The following PVALEF variants were observed in gnomAD, a reference collection of about 807,000 sequenced individuals.
PVALEF encodes parvalbumin-like EF-hand-containing protein.
Under a neutral mutation model 1.2 loss-of-function variants are expected in PVALEF, and 2 were observed. That is an observed-to-expected ratio of 1.68 (90% confidence interval 0.69 to 5.28). The LOEUF (loss-of-function observed/expected upper bound fraction) is 5.28. Ranked by LOEUF, PVALEF falls within the 30% of genes most tolerant of loss-of-function variation. The probability of loss-of-function intolerance (pLI) is 0.06; values close to 1 mark genes in which losing one functional copy is unlikely to be tolerated. For missense variants in PVALEF, 35 were observed against 17.7 expected (o/e 1.97, Z -1.75); for synonymous variants, 16 against 6.5 (o/e 2.47, Z -2.24).
Position 81,181,126 on chromosome 17 carries a change from G to C in PVALEF, c.-101G>C, listed in dbSNP as rs1312531643. On this transcript the variant is annotated 5_prime_UTR_variant, in exon 4 of 7. Transcript: ENST00000637878. ...TGTCACCATTCCCACTTTACAGCAG[G>C]ATCCAGCACCACGCGGCGTCTACGT... 6 of 665,466 alleles carry C rather than the reference G, an allele frequency of 9.0e-6. No individual in the cohort carries two copies. The East Asian group carries it at 1.7e-4, about 19-fold the overall frequency. The allele number at this position is 665,466 out of a possible 1,614,324, so 41.2% of individuals were successfully genotyped here.
rs558333378 is a variant in PVALEF at position 81,181,715 on chromosome 17, A to C, written c.242+21A>C. 36 of 399,976 alleles carry C rather than the reference A, an allele frequency of 9.0e-5. 1 individual carries two copies. The Admixed American group carries it at 1.3e-3, about 15-fold the overall frequency. 24.8% of individuals were successfully genotyped at this position (399,976 alleles called of 1,614,324 possible). ...ATCAAGTAATGGCTGGCGGCCACGG[A>C]GGGGTGGGGCCCAGGCCACCCAGAC... On this transcript the variant is annotated intron_variant, in intron 5 of 6. Coordinates refer to ENST00000637878, the MANE Select transcript of PVALEF (RefSeq NM_001354639.2).
At chr17:81,170,039 G>T (rs1206080208) in intron 2 of PVALEF, among the ~76,000 whole-genome samples, 2 of 145,006 alleles carry the variant, frequency 1.4e-5, no homozygotes, top group Non-Finnish European at 3.1e-5. Flanking sequence ...TAGGTGTGTT[G>T]GCATGTGTGT....
intron 2 of PVALEF, among the ~76,000 whole-genome samples, chr17:81,176,847 T>C (rs898596706): frequency 4.0e-5 from 6 of 151,358 alleles, no homozygotes; most frequent in African/African-American, 1.2e-4. Flanking sequence ...TGCCAAAAGG[T>C]GGACGAAAAA....
chr17:81,172,184 G>A (rs568914654), intron 2 of PVALEF, among the ~76,000 whole-genome samples: 17 of 152,288 alleles, frequency 1.1e-4, no homozygotes, highest in East Asian at 1.9e-4. Flanking sequence ...GTGTTTATCC[G>A]GCCACACCCT....
At chr17:81,171,739 A>C (rs1451403574) in intron 2 of PVALEF, among the ~76,000 whole-genome samples, 2 of 151,958 alleles carry the variant, frequency 1.3e-5, no homozygotes, top group Non-Finnish European at 1.5e-5. Context: ...TGATCCGCCC[A>C]CCTCAGCCTC....
intron 1 of PVALEF, among the ~76,000 whole-genome samples, 187 bp from the exon 2 acceptor site, chr17:81,166,490 G>A (rs1300650479): frequency 9.3e-5 from 9 of 96,620 alleles, no homozygotes; most frequent in African/African-American, 3.5e-4. Flanking sequence ...GCTGAGGGGG[G>A]CACGGAGGCT....
At chr17:81,168,668 CGAG>C (rs1567834845) in intron 2 of PVALEF, among the ~76,000 whole-genome samples, 1 of 152,084 alleles carries the variant, frequency 6.6e-6, no homozygotes, top group East Asian at 1.9e-4. Context: ...AGGAGCTGAC[CGAG>C]GAGCCCAGAT....
At position 81,166,837 on chromosome 17, in the gene PVALEF, T is replaced by C; in HGVS notation, c.-347T>C. The C allele has an allele frequency of 2.3e-6, 1 of 431,466 alleles. No homozygotes were observed. The highest frequency in any genetic ancestry group is 4.7e-6 in the Non-Finnish European group (1 of 211,240). The allele number at this position is 431,466 out of a possible 1,614,324, so 26.7% of individuals were successfully genotyped here. On this transcript the variant is annotated 5_prime_UTR_variant, in exon 2 of 7. Transcript: ENST00000637878. The stretch of plus-strand genomic sequence containing the variant: ...GGCTGAGTCTCCACCTGCCGTGGAC[T>C]GTACCAGGTGCTTAGGGCAGCAGGT...
rs936959613 is a variant in PVALEF, at chr17:81,169,975, C to G, written c.-340+3131C>G. ...ACGTGTGTCGGTGTTGGTATGTGTA[C>G]ATGTGTGTGCATGTGTGTGTGTTGG... is the stretch of plus-strand genomic sequence containing the variant. On this transcript the variant is annotated intron_variant, in intron 2 of 6. Coordinates refer to ENST00000637878, the MANE Select transcript of PVALEF (RefSeq NM_001354639.2). Among the ~76,000 whole-genome samples the G allele has an allele frequency of 4.5e-5, 6 of 131,894 alleles. No homozygotes were observed. The South Asian group carries it at 9.3e-4, about 20-fold the overall frequency. The allele number at this position is 131,894 out of a possible 152,430, so 86.5% of individuals were successfully genotyped here. A position where few individuals can be genotyped will look rare whatever the true frequency, so the allele number is the denominator to read the frequency against.
At chr17:81,166,122 C>T (rs1025308950) in intron 1 of PVALEF, 5 of 417,250 alleles carry the variant, frequency 1.2e-5, no homozygotes, top group South Asian at 9.3e-5. Flanking sequence ...GCGCCCCGCG[C>T]CCCCCGCCGC....
At chr17:81,179,751 G>C (rs1221220325) in intron 3 of PVALEF, among the ~76,000 whole-genome samples, 1 of 152,186 alleles carries the variant, frequency 6.6e-6, no homozygotes, top group African/African-American at 2.4e-5. Flanking sequence ...GCAGACCACA[G>C]CTTCCGAGAA....
At chr17:81,181,048 C>G (rs1192203142) in intron 3 of PVALEF, 75 bp from the exon 4 acceptor site, 4 of 538,928 alleles carry the variant, frequency 7.4e-6, no homozygotes, top group Non-Finnish European at 1.3e-5. Flanking sequence ...ACCTGCCTGG[C>G]TGGGATCCCA....
chr17:81,169,884 G>A (rs1296885628), intron 2 of PVALEF, among the ~76,000 whole-genome samples: 2 of 151,942 alleles, frequency 1.3e-5, no homozygotes, highest in African/African-American at 4.8e-5. Context: ...GTTGGTGTGT[G>A]CATATGTGCA....
At position 81,181,178 on chromosome 17, in the gene PVALEF, A is replaced by G. The variant is rs2061552402; in HGVS notation, c.-49A>G. The G allele has an allele frequency of 2.9e-6, 2 of 699,414 alleles. No homozygotes were observed. The highest frequency in any genetic ancestry group is 2.6e-6 in the Non-Finnish European group (1 of 383,058). 43.3% of individuals were successfully genotyped at this position (699,414 alleles called of 1,614,324 possible). A position where few individuals can be genotyped will look rare whatever the true frequency, so the allele number is the denominator to read the frequency against. The stretch of plus-strand genomic sequence containing the variant: ...TGCTCTGGCCCAAGCAGCACCCCCA[A>G]TCCGTGCGTGCACCCCACGAATTGA... On this transcript the variant is annotated 5_prime_UTR_variant, in exon 4 of 7. Transcript: ENST00000637878.
At chr17:81,182,108 T>G (rs570176308) in intron 6 of PVALEF, 27 bp downstream of exon 6, 185 of 398,654 alleles carry the variant, frequency 4.6e-4, no homozygotes, top group Non-Finnish European at 6.5e-4. Context: ...CGGGGCACCC[T>G]CAGGACCCTC....
chr17:81,170,549 G>A (rs761569956), intron 2 of PVALEF, among the ~76,000 whole-genome samples: 3 of 152,126 alleles, frequency 2.0e-5, no homozygotes, highest in African/African-American at 4.8e-5. Flanking sequence ...TTCAACCCCC[G>A]ATGGGAGTGC....
Position 81,165,621 on chromosome 17 carries a change from A to C in PVALEF, c.-634A>C, listed in dbSNP as rs1247360645. 6.9e-7 allele frequency: 1 copy of C among 1,443,500 alleles called. No homozygotes were observed. Among genetic ancestry groups the C allele is most frequent in the African/African-American group, 1.4e-5 (1 of 70,824 alleles). 89.4% of individuals were successfully genotyped at this position (1,443,500 alleles called of 1,614,324 possible). A position where few individuals can be genotyped will look rare whatever the true frequency, so the allele number is the denominator to read the frequency against. Reference sequence around the variant, plus strand: ...ACCCCCCACACCCCCAAGGGCCCTTAGTCTGAGACCAACTCTCCTGGACAC... The same window carrying C: ...ACCCCCCACACCCCCAAGGGCCCTTCGTCTGAGACCAACTCTCCTGGACAC... On this transcript the variant is annotated 5_prime_UTR_variant, in exon 1 of 7. Transcript: ENST00000637878.
At chr17:81,182,877 C>T (rs1410935459) in intron 6 of PVALEF, 88 bp from the exon 7 acceptor site, 3 of 397,662 alleles carry the variant, frequency 7.5e-6, no homozygotes, top group Admixed American at 4.4e-5. Flanking sequence ...AGGCACACTC[C>T]CTCTGCCTCC....
chr17:81,180,430 G>A (rs573393945), intron 3 of PVALEF, among the ~76,000 whole-genome samples: 15 of 152,194 alleles, frequency 9.9e-5, no homozygotes, highest in African/African-American at 2.9e-4. Context: ...GAGGGCCTCC[G>A]AGGCCCAGTC....
Sources: gnomAD v4.1 joint callset for allele counts (sites outside exome capture counted in the v4.1 genomes callset) on GRCh38, gnomAD v4.1.1 for gene constraint, MANE v1.5 for transcripts, NCBI Gene and HGNC (gene_info 2026-07-23, HGNC 2026-07-21) for gene names.